HESX1: variants seen among roughly 807,000 people sequenced by gnomAD.
The protein encoded by HESX1 is homeobox expressed in ES cells 1.
A neutral mutation model predicts 22.5 loss-of-function variants in HESX1; 11 were observed. The observed-to-expected ratio is 0.49, with a 90% CI of 0.31 to 0.81. The LOEUF (loss-of-function observed/expected upper bound fraction) is 0.81. Ranked by LOEUF, HESX1 falls within the 30% of genes least tolerant of loss-of-function variation. The pLI is 0.05. For missense variants in HESX1, 201 were observed against 212.6 expected (o/e 0.95, Z 0.34); for synonymous variants, 74 against 76.5 (o/e 0.97, Z 0.17).
At chr3:57,215,731 C>T (rs2060579511) in intron 1 of HESX1, among the ~76,000 whole-genome samples, 1 of 152,152 alleles carries the variant, frequency 6.6e-6, no homozygotes, top group Admixed American at 6.5e-5. Flanking sequence ...CGTGCCATTG[C>T]ACTCCAGCCT....
chr3:57,201,988 G>C (rs756439365), upstream of HESX1, among the ~76,000 whole-genome samples: 2 of 150,880 alleles, frequency 1.3e-5, no homozygotes, highest in Non-Finnish European at 2.9e-5. Flanking sequence ...GTGTGATCTC[G>C]GCTCACGGCA....
Position 57,198,887 on chromosome 3 carries a change from C to T in HESX1, c.223G>A (p.Val75Met). Residue 75 changes from valine to methionine, a missense_variant, in exon 2 of 4, where the codon GTG becomes ATG. Transcript: ENST00000295934. ...PPSGISFPSVVDHPMPEERAS... is the reference protein window; with the variant it reads ...PPSGISFPSVMDHPMPEERAS... The stretch of plus-strand genomic sequence containing the variant: ...CTTTCTTCTGGCATTGGGTGATCCA[C>T]CACGCTAGGGAATGAAATCCCACTG... 1 of 1,614,090 alleles carries T rather than the reference C, an allele frequency of 6.2e-7. No homozygotes were observed. The highest frequency in any genetic ancestry group is 8.5e-7 in the Non-Finnish European group (1 of 1,180,000).
chr3:57,211,035 A>G (rs890900585), intron 1 of HESX1, among the ~76,000 whole-genome samples: 12 of 152,076 alleles, frequency 7.9e-5, no homozygotes, highest in African/African-American at 2.9e-4. Context: ...CCTGACCAAT[A>G]TGGAGAAACC....
intron 1 of HESX1, among the ~76,000 whole-genome samples, chr3:57,213,712 G>T (rs1175314960): frequency 2.0e-5 from 3 of 152,150 alleles, no homozygotes; most frequent in Non-Finnish European, 1.5e-5. Context: ...GGATCGCGAG[G>T]TCAGGAGTTC....
At chr3:57,203,139 T>C (rs773280065), upstream of HESX1, among the ~76,000 whole-genome samples, 48 of 152,240 alleles carry the variant, frequency 3.2e-4, no homozygotes, top group Non-Finnish European at 5.0e-4. Flanking sequence ...AACCTTACTC[T>C]GGCTGCTCTG....
chr3:57,198,592 G>A, intron 2 of HESX1, 100 bp from the exon 3 acceptor site: 2 of 1,014,354 alleles, frequency 2.0e-6, no homozygotes, highest in South Asian at 2.7e-5. Context: ...TAATCTGGAT[G>A]CCTTTTTAAA....
chr3:57,220,179 C>T (rs753578772), intron 1 of HESX1, among the ~76,000 whole-genome samples: 15 of 152,164 alleles, frequency 9.9e-5, no homozygotes, highest in Non-Finnish European at 2.1e-4. Flanking sequence ...GCGCTCTCTA[C>T]TCTGTTCCAT....
At position 57,198,305 on chromosome 3, in the gene HESX1, A is replaced by T; in HGVS notation, c.460-10T>A. 6 of 1,603,396 alleles carry T rather than the reference A, an allele frequency of 3.7e-6. No homozygotes were observed. Among genetic ancestry groups the T allele is most frequent in the Non-Finnish European group, 2.6e-6 (3 of 1,170,498 alleles). On this transcript the variant is annotated splice_polypyrimidine_tract_variant and intron_variant, in intron 3 of 3. Coordinates refer to ENST00000295934, the MANE Select transcript of HESX1 (RefSeq NM_003865.3). Reference sequence around the variant, plus strand: ...GATTTTGAAACCAAATCTAAAGTTAAGGAAAAATAAAATAGGTCTCAGAAA... The same window carrying T: ...GATTTTGAAACCAAATCTAAAGTTATGGAAAAATAAAATAGGTCTCAGAAA...
chr3:57,201,875 A>ATATGTATC (rs1553632848), upstream of HESX1, among the ~76,000 whole-genome samples: 2 of 131,844 alleles, frequency 1.5e-5, no homozygotes, highest in African/African-American at 2.7e-5. Context: ...CTATCTATCT[A>ATATGTATC]TATCTATCTA....
chr3:57,200,238 G>A (rs1000216672), upstream of HESX1, among the ~76,000 whole-genome samples: 1 of 152,182 alleles, frequency 6.6e-6, no homozygotes, highest in Non-Finnish European at 1.5e-5. Context: ...CTAAAGAAGT[G>A]ATGCACAAAT....
At chr3:57,219,171 G>A (rs190976691) in intron 1 of HESX1, among the ~76,000 whole-genome samples, 26 of 152,252 alleles carry the variant, frequency 1.7e-4, no homozygotes, top group Admixed American at 1.6e-3. Flanking sequence ...ATTTGTAAGT[G>A]AGAATATGTG....
intron 1 of HESX1, among the ~76,000 whole-genome samples, chr3:57,217,767 G>C (rs566790365): frequency 3.3e-5 from 5 of 151,920 alleles, no homozygotes; most frequent in Non-Finnish European, 7.4e-5. Flanking sequence ...TCCTCATCAC[G>C]CTTGGGCTCC....
At chr3:57,208,817 C>T (rs1193092889) in intron 1 of HESX1, among the ~76,000 whole-genome samples, 3 of 151,506 alleles carry the variant, frequency 2.0e-5, no homozygotes, top group African/African-American at 7.3e-5. Context: ...AAAAATTAGC[C>T]GGGCATGGTG....
At chr3:57,221,676 G>A (rs1237148699) in intron 1 of HESX1, among the ~76,000 whole-genome samples, 1 of 151,960 alleles carries the variant, frequency 6.6e-6, no homozygotes, top group Non-Finnish European at 1.5e-5. Context: ...GCACAATCTC[G>A]GCTCACTGCA....
chr3:57,227,364 A>G (rs1239615221), upstream of HESX1, among the ~76,000 whole-genome samples: 1 of 152,210 alleles, frequency 6.6e-6, no homozygotes, highest in East Asian at 1.9e-4. Flanking sequence ...GAATGTTATC[A>G]TCTGAGGAAA....
At chr3:57,200,513 T>C (rs1363191310), upstream of HESX1, among the ~76,000 whole-genome samples, 1 of 152,214 alleles carries the variant, frequency 6.6e-6, no homozygotes, top group African/African-American at 2.4e-5. Flanking sequence ...GAAAACACAA[T>C]AGTATTTGGA....
At chr3:57,219,109 T>C (rs2060600320) in intron 1 of HESX1, among the ~76,000 whole-genome samples, 1 of 152,200 alleles carries the variant, frequency 6.6e-6, no homozygotes, top group South Asian at 2.1e-4. Context: ...TAGTAGCTAT[T>C]CTGACTGTTG....
chr3:57,204,196 T>G (rs979629838), upstream of HESX1, among the ~76,000 whole-genome samples: 2 of 152,162 alleles, frequency 1.3e-5, no homozygotes, highest in Non-Finnish European at 1.5e-5. Context: ...TATTTTATGT[T>G]TTTTTAGAGA....
At chr3:57,199,648 ATAAT>A in intron 1 of HESX1, 110 bp downstream of exon 1, 1 of 620,866 alleles carries the variant, frequency 1.6e-6, no homozygotes, top group Non-Finnish European at 2.3e-6. Context: ...ATAAATAATA[ATAAT>A]AAATTAAATT....
Sources: allele counts gnomAD v4.1 joint callset (sites outside exome capture counted in the v4.1 genomes callset), GRCh38; gene constraint gnomAD v4.1.1; transcripts MANE v1.5; gene names NCBI Gene and HGNC (gene_info 2026-07-23, HGNC 2026-07-21).